GALNTL6: variants seen among roughly 807,000 people sequenced by gnomAD.
GALNTL6 encodes polypeptide N-acetylgalactosaminyltransferase like 6, also known as polypeptide N-acetylgalactosaminyltransferase-like 6.
GALNTL6 carries 46 observed loss-of-function variants against 73.7 expected under a neutral mutation model. The observed-to-expected ratio is 0.62, with a 90% CI of 0.49 to 0.80. The LOEUF is 0.80. Ranked by LOEUF, GALNTL6 falls within the 30% of genes least tolerant of loss-of-function variation. The pLI, the probability that GALNTL6 is intolerant of heterozygous loss-of-function variation, is 0.00. For synonymous variants in GALNTL6, 259 were observed against 263.7 expected (o/e 0.98, Z 0.17); for missense variants, 604 against 755.0 (o/e 0.80, Z 2.34).
intron 2 of GALNTL6, among the ~76,000 whole-genome samples, chr4:172,196,995 A>C (rs1011626736): frequency 6.6e-6 from 1 of 152,180 alleles, no homozygotes; most frequent in Non-Finnish European, 1.5e-5. Flanking sequence ...ACTGTAAGCA[A>C]ATTGTCTTTG....
chr4:172,296,621 T>C (rs1739684889), intron 3 of GALNTL6, among the ~76,000 whole-genome samples: 1 of 152,184 alleles, frequency 6.6e-6, no homozygotes, highest in African/African-American at 2.4e-5. Flanking sequence ...TGTTTGGTTT[T>C]TTGTCCTTGC....
intron 2 of GALNTL6, among the ~76,000 whole-genome samples, chr4:172,079,258 T>G (rs1479183659): frequency 1.3e-5 from 2 of 152,064 alleles, no homozygotes; most frequent in Non-Finnish European, 2.9e-5. Flanking sequence ...GTATATGTAT[T>G]TGTGTGTAAA....
chr4:172,837,075 A>C (rs750189264), intron 7 of GALNTL6, among the ~76,000 whole-genome samples: 1 of 152,212 alleles, frequency 6.6e-6, no homozygotes, highest in Non-Finnish European at 1.5e-5. Flanking sequence ...AAAATTCTAC[A>C]ATAGCTCTCA....
intron 5 of GALNTL6, among the ~76,000 whole-genome samples, chr4:172,749,877 T>C (rs1448850467): frequency 6.6e-6 from 1 of 152,172 alleles, no homozygotes; most frequent in Non-Finnish European, 1.5e-5. Flanking sequence ...AATTAGGTCA[T>C]TCCTTAGTAT....
At chr4:172,792,622 C>T (rs1389782753) in intron 5 of GALNTL6, among the ~76,000 whole-genome samples, 1 of 149,300 alleles carries the variant, frequency 6.7e-6, no homozygotes, top group Non-Finnish European at 1.5e-5. Context: ...CTTGTTTTAG[C>T]ATTTTTGATT....
At chr4:171,950,619 A>G (rs1241031915) in intron 2 of GALNTL6, among the ~76,000 whole-genome samples, 1 of 151,678 alleles carries the variant, frequency 6.6e-6, no homozygotes, top group East Asian at 1.9e-4. Context: ...AGCTGGGACT[A>G]CAGGCGGGCA....
chr4:172,456,196 G>A (rs902648530), intron 5 of GALNTL6, among the ~76,000 whole-genome samples: 1 of 151,936 alleles, frequency 6.6e-6, no homozygotes, highest in African/African-American at 2.4e-5. Flanking sequence ...CCATCCAAAG[G>A]TCACCAACAT....
intron 5 of GALNTL6, among the ~76,000 whole-genome samples, chr4:172,401,953 G>GAGA (rs1561066531): frequency 2.2e-5 from 2 of 92,262 alleles, no homozygotes; most frequent in African/African-American, 9.1e-5. Flanking sequence ...GGGGGAGGGG[G>GAGA]GAGAGAGAGA....
At chr4:172,830,160 T>A (rs1158820251) in intron 7 of GALNTL6, among the ~76,000 whole-genome samples, 1 of 152,180 alleles carries the variant, frequency 6.6e-6, no homozygotes, top group Non-Finnish European at 1.5e-5. Flanking sequence ...TAAAGAGAAT[T>A]TTTCCTAAAG....
chr4:172,931,294 C>A (rs773069362), intron 9 of GALNTL6, 26 bp downstream of exon 9: 2 of 1,339,472 alleles, frequency 1.5e-6, no homozygotes. Flanking sequence ...TCAGAACAGA[C>A]TGGGGTTGAT....
At chr4:172,588,556 A>G (rs916890974) in intron 5 of GALNTL6, among the ~76,000 whole-genome samples, 14 of 152,090 alleles carry the variant, frequency 9.2e-5, no homozygotes, top group African/African-American at 3.4e-4. Flanking sequence ...AGAAAAAAAA[A>G]TCCTCCCAAT....
chr4:172,855,728 C>T (rs1306889985), intron 7 of GALNTL6, among the ~76,000 whole-genome samples: 1 of 152,162 alleles, frequency 6.6e-6, no homozygotes. Context: ...TACCAACACC[C>T]CAGAATTTCC....
At chr4:172,286,755 C>T (rs1019256527) in intron 3 of GALNTL6, among the ~76,000 whole-genome samples, 5 of 152,260 alleles carry the variant, frequency 3.3e-5, no homozygotes, top group South Asian at 4.1e-4. Context: ...TGAAGAGACT[C>T]TGACAGTGGT....
At chr4:172,664,864 G>A (rs1432521012) in intron 5 of GALNTL6, among the ~76,000 whole-genome samples, 3 of 152,124 alleles carry the variant, frequency 2.0e-5, no homozygotes, top group Admixed American at 2.0e-4. Flanking sequence ...CACTTCCCTA[G>A]AACAGGGTTT....
chr4:172,206,814 G>GTTTTTTTTTTTTTTTTTT (rs796625697), intron 2 of GALNTL6, among the ~76,000 whole-genome samples: 4 of 57,964 alleles, frequency 6.9e-5, no homozygotes, highest in African/African-American at 2.0e-4. Context: ...TGTTTTTTTT[G>GTTTTTTTTTTTTTTTTTT]TTTGTTTTTT....
At chr4:172,705,983 A>G (rs1393336278) in intron 5 of GALNTL6, among the ~76,000 whole-genome samples, 1 of 151,800 alleles carries the variant, frequency 6.6e-6, no homozygotes, top group East Asian at 1.9e-4. Flanking sequence ...GTGATCTTTG[A>G]CCTTACTATA....
chr4:172,131,632 G>A (rs1007915508), intron 2 of GALNTL6, among the ~76,000 whole-genome samples: 2 of 151,564 alleles, frequency 1.3e-5, no homozygotes, highest in Admixed American at 1.3e-4. Flanking sequence ...CTCTCAGAAT[G>A]CAAAATCTGC....
intron 5 of GALNTL6, among the ~76,000 whole-genome samples, chr4:172,482,414 G>T (rs1003609385): frequency 6.6e-6 from 1 of 152,240 alleles, no homozygotes; most frequent in Non-Finnish European, 1.5e-5. Context: ...CCACCAGCAC[G>T]TTGTCACTTC....
intron 8 of GALNTL6, among the ~76,000 whole-genome samples, chr4:172,914,930 A>G (rs1227406510): frequency 6.6e-6 from 1 of 152,212 alleles, no homozygotes; most frequent in Non-Finnish European, 1.5e-5. Context: ...CTCCACCCCA[A>G]ATCAACAGAA....
Sources: gnomAD v4.1 joint callset for allele counts (sites outside exome capture counted in the v4.1 genomes callset) on GRCh38, gnomAD v4.1.1 for gene constraint, MANE v1.5 for transcripts, NCBI Gene and HGNC (gene_info 2026-07-23, HGNC 2026-07-21) for gene names.